The following TEKT5 variants were observed in gnomAD, a reference collection of about 807,000 sequenced individuals.
TEKT5 encodes the protein tektin-5.
In TEKT5, 52 loss-of-function variants were observed where a neutral mutation model predicts 48.7. The ratio of observed to expected loss-of-function variants is 1.07; its 90% CI spans 0.86 to 1.35. The LOEUF (loss-of-function observed/expected upper bound fraction) is 1.35, where lower values mean the gene tolerates loss of function less well. Among genes scored for constraint, TEKT5 ranks in the 40% most tolerant of loss-of-function variants. The probability of loss-of-function intolerance (pLI) is 0.00; values close to 1 mark genes in which losing one functional copy is unlikely to be tolerated. For missense variants in TEKT5, 831 were observed against 641.6 expected, an observed-to-expected ratio of 1.30 and a Z score of -3.19; for synonymous variants, 318 against 267.6, an observed-to-expected ratio of 1.19 and a Z score of -1.84.
At chr16:10,641,985 A>G (rs1897999961) in intron 5 of TEKT5, among the ~76,000 whole-genome samples, 2 of 152,248 alleles carry the variant, frequency 1.3e-5, no homozygotes, top group Admixed American at 6.5e-5. Context: ...CAATTCCTTG[A>G]AATCTCTCTT....
chr16:10,657,129 T>C (rs1898275194), intron 5 of TEKT5, among the ~76,000 whole-genome samples: 1 of 148,220 alleles, frequency 6.7e-6, no homozygotes, highest in African/African-American at 2.6e-5. Flanking sequence ...CTTTTTTTTT[T>C]TTTTCTTTTT....
chr16:10,645,573 C>G (rs62025774), intron 5 of TEKT5, among the ~76,000 whole-genome samples: 8,305 of 152,148 alleles, frequency 0.055, 308 homozygotes, highest in Middle Eastern at 0.078. Flanking sequence ...GAGGCCAAAG[C>G]AGGCAGATCA....
intron 5 of TEKT5, among the ~76,000 whole-genome samples, chr16:10,658,867 G>A (rs1260040000): frequency 3.3e-5 from 5 of 152,094 alleles, no homozygotes; most frequent in South Asian, 2.1e-4. Context: ...ACAGGCATGC[G>A]CCACCACACC....
rs767990475 is a variant in TEKT5, at chr16:10,627,609, T to C, written c.1432A>G (p.Thr478Ala). 8.1e-6 allele frequency: 13 copies of C among 1,613,834 alleles called. No individual in the cohort carries two copies. Among genetic ancestry groups the C allele is most frequent in the South Asian group, 6.6e-5 (6 of 91,070 alleles). Residue 478 changes from threonine (T) to alanine (A), a missense_variant, in exon 7 of 7, where the codon ACC becomes GCC. Physicochemically the swap from Thr to Ala is moderately conservative, Grantham distance 58 (BLOSUM62 0). Coordinates refer to ENST00000283025, the MANE Select transcript of TEKT5 (RefSeq NM_144674.2). ...CAGGTGTGGCCCACCAGGCGCGGGG[T>C]GCAGGGGAAGGTCTTACGCATGCCC... is the stretch of plus-strand genomic sequence containing the variant. ...CMGMRKTFPC[T>A]PRLVGHT
intron 5 of TEKT5, among the ~76,000 whole-genome samples, chr16:10,650,273 G>C (rs938091443): frequency 6.6e-6 from 1 of 151,728 alleles, no homozygotes; most frequent in African/African-American, 2.4e-5. Context: ...GCTGATTTTT[G>C]TATTTTTAGT....
At chr16:10,651,418 C>T (rs1387224305) in intron 5 of TEKT5, among the ~76,000 whole-genome samples, 1 of 152,180 alleles carries the variant, frequency 6.6e-6, no homozygotes, top group Non-Finnish European at 1.5e-5. Context: ...CAAAAGCAAG[C>T]TTTTCCTTTG....
chr16:10,635,103 G>A (rs572756475), intron 6 of TEKT5, among the ~76,000 whole-genome samples: 61 of 152,130 alleles, frequency 4.0e-4, no homozygotes, highest in Admixed American at 2.7e-3. Flanking sequence ...CATACAGCAC[G>A]TTCATGGGAA....
At chr16:10,630,806 G>A (rs1299435527) in intron 6 of TEKT5, among the ~76,000 whole-genome samples, 1 of 151,954 alleles carries the variant, frequency 6.6e-6, no homozygotes, top group Non-Finnish European at 1.5e-5. Context: ...ATCACTTGAG[G>A]TCAGGGGTTC....
intron 4 of TEKT5, among the ~76,000 whole-genome samples, chr16:10,679,845 C>A (rs572335418): frequency 5.3e-5 from 8 of 151,726 alleles, no homozygotes; most frequent in Non-Finnish European, 1.0e-4. Flanking sequence ...TGTGGTGAGC[C>A]GAGATCGCAC....
chr16:10,655,774 G>A (rs1898250763), intron 5 of TEKT5, among the ~76,000 whole-genome samples: 1 of 152,150 alleles, frequency 6.6e-6, no homozygotes, highest in Admixed American at 6.5e-5. Flanking sequence ...CAGCCTCCTT[G>A]GACCATGAGG....
chr16:10,637,042 T>A (rs1461379299), intron 5 of TEKT5, among the ~76,000 whole-genome samples: 1 of 148,674 alleles, frequency 6.7e-6, no homozygotes, highest in Non-Finnish European at 1.5e-5. Flanking sequence ...CGTGCAGTGG[T>A]GCGATTTCGG....
intron 5 of TEKT5, among the ~76,000 whole-genome samples, chr16:10,645,908 G>A (rs1193046336): frequency 6.6e-6 from 1 of 151,942 alleles, no homozygotes; most frequent in Non-Finnish European, 1.5e-5. Context: ...GAGGTGGGAG[G>A]ATCGCTTGAG....
rs79330789 is a variant in TEKT5 at position 10,686,754 on chromosome 16, T to C, written c.719+2499A>G. Among the ~76,000 whole-genome samples, 1,202 of 152,242 alleles carry C rather than the reference T, an allele frequency of 7.9e-3. 19 individuals carry two copies. The highest frequency in any genetic ancestry group is 0.027 in the African/African-American group (1,108 of 41,532). Reference sequence around the variant, plus strand: ...TATGTAAAGAACTCAGACAACTCAATAGCAAGAAAACAACCCAGTTTTAAA... The same window carrying C: ...TATGTAAAGAACTCAGACAACTCAACAGCAAGAAAACAACCCAGTTTTAAA... On this transcript the variant is annotated intron_variant, in intron 3 of 6. Transcript: ENST00000283025.
At chr16:10,670,363 C>T (rs1420820275) in intron 5 of TEKT5, among the ~76,000 whole-genome samples, 1 of 152,152 alleles carries the variant, frequency 6.6e-6, no homozygotes, top group African/African-American at 2.4e-5. Flanking sequence ...CTCATCTCTA[C>T]TAAAAATACA....
At chr16:10,652,787 CACACACA>C (rs1567228411) in intron 5 of TEKT5, among the ~76,000 whole-genome samples, 1 of 141,480 alleles carries the variant, frequency 7.1e-6, no homozygotes. Flanking sequence ...CACACACACA[CACACACA>C]CCCTCCAGGC....
At chr16:10,660,230 T>C (rs913821696) in intron 5 of TEKT5, among the ~76,000 whole-genome samples, 2 of 152,012 alleles carry the variant, frequency 1.3e-5, no homozygotes, top group Admixed American at 1.3e-4. Flanking sequence ...AGACGGGGGT[T>C]GCCTGTGTAA....
intron 5 of TEKT5, among the ~76,000 whole-genome samples, chr16:10,659,016 T>C (rs1898313851): frequency 6.6e-6 from 1 of 152,182 alleles, no homozygotes; most frequent in African/African-American, 2.4e-5. Flanking sequence ...CGGTGCCCAG[T>C]CTGGGACCAG....
intron 3 of TEKT5, among the ~76,000 whole-genome samples, chr16:10,688,273 T>TCTTTGCTCA (rs1898899097): frequency 6.6e-6 from 1 of 152,220 alleles, no homozygotes; most frequent in East Asian, 1.9e-4. Context: ...TGTCTGTCCG[T>TCTTTGCTCA]GACCAAGCTC....
intron 5 of TEKT5, 36 bp downstream of exon 5, chr16:10,675,923 G>C: frequency 1.2e-6 from 2 of 1,601,820 alleles, no homozygotes; most frequent in Non-Finnish European, 1.7e-6. Flanking sequence ...TGAGGGCTTG[G>C]CAGAGAAGGC....
Sources: gnomAD v4.1 joint callset for allele counts (sites outside exome capture counted in the v4.1 genomes callset) on GRCh38, gnomAD v4.1.1 for gene constraint, MANE v1.5 for transcripts, NCBI Gene and HGNC (gene_info 2026-07-23, HGNC 2026-07-21) for gene names.